MTIF3: variants seen among roughly 807,000 people sequenced by gnomAD.
MTIF3 encodes the protein translation initiation factor IF-3, mitochondrial.
Under a neutral mutation model 20.7 loss-of-function variants are expected in MTIF3, and 13 were observed. The observed-to-expected ratio is 0.63, with a 90% CI of 0.41 to 1.00. The LOEUF (loss-of-function observed/expected upper bound fraction) is 1.00, where lower values mean the gene tolerates loss of function less well. MTIF3 is among the 50% of genes least tolerant of loss of function. The probability of loss-of-function intolerance (pLI) is 0.00; values close to 1 mark genes in which losing one functional copy is unlikely to be tolerated. For missense variants in MTIF3, 295 were observed against 324.5 expected (o/e 0.91, Z 0.70); for synonymous variants, 114 against 112.5 (o/e 1.01, Z -0.08).
intron 2 of MTIF3, among the ~76,000 whole-genome samples, chr13:27,443,609 A>G (rs1294293065): frequency 6.6e-6 from 1 of 152,258 alleles, no homozygotes; most frequent in Non-Finnish European, 1.5e-5. Flanking sequence ...TAGACAAAAC[A>G]GTTCACTGCA....
At chr13:27,443,362 A>G (rs888820080) in intron 2 of MTIF3, among the ~76,000 whole-genome samples, 3 of 151,590 alleles carry the variant, frequency 2.0e-5, no homozygotes, top group Non-Finnish European at 4.4e-5. Flanking sequence ...ATCACAGAAG[A>G]TTTTTTTTTC....
intron 1 of MTIF3, among the ~76,000 whole-genome samples, chr13:27,448,067 G>A (rs932729515): frequency 3.0e-5 from 4 of 132,268 alleles, no homozygotes; most frequent in African/African-American, 8.6e-5. Flanking sequence ...GCATTCTACC[G>A]GAAGTACTGA....
chr13:27,440,642 G>A (rs1953975883), intron 2 of MTIF3, among the ~76,000 whole-genome samples, 193 bp from the exon 3 acceptor site: 1 of 152,112 alleles, frequency 6.6e-6, no homozygotes, highest in Non-Finnish European at 1.5e-5. Flanking sequence ...AGGTGACTCT[G>A]GCCAGACTAA....
chr13:27,443,950 A>T (rs1046011128), intron 2 of MTIF3, among the ~76,000 whole-genome samples: 6 of 152,180 alleles, frequency 3.9e-5, no homozygotes, highest in African/African-American at 1.4e-4. Flanking sequence ...TAGGTTTTTT[A>T]AAAAAGCTTT....
At chr13:27,438,862 T>C (rs1280141531) in intron 3 of MTIF3, among the ~76,000 whole-genome samples, 2 of 152,018 alleles carry the variant, frequency 1.3e-5, no homozygotes, top group South Asian at 2.1e-4. Context: ...TTCTGAATAT[T>C]GTTTTCCAGT....
intron 1 of MTIF3, among the ~76,000 whole-genome samples, chr13:27,446,611 G>A (rs1273733383): frequency 6.6e-6 from 1 of 152,210 alleles, no homozygotes; most frequent in Non-Finnish European, 1.5e-5. Context: ...ATTCTAGTCT[G>A]TGTAAGTTCT....
At chr13:27,445,063 A>G (rs950959240) in intron 2 of MTIF3, 25 bp downstream of exon 2, 3 of 152,354 alleles carry the variant, frequency 2.0e-5, no homozygotes, top group South Asian at 4.1e-4. Context: ...CTAATTAAAT[A>G]AAAAGAACTG....
chr13:27,438,497 T>C (rs1048028794), intron 3 of MTIF3, among the ~76,000 whole-genome samples: 1 of 146,066 alleles, frequency 6.8e-6, no homozygotes, highest in African/African-American at 2.5e-5. Context: ...TTTTTTTTTT[T>C]TTTTTTTTTT....
intron 1 of MTIF3, chr13:27,449,958 G>A (rs568096356): frequency 8.5e-5 from 13 of 152,408 alleles, no homozygotes; most frequent in African/African-American, 2.9e-4. Flanking sequence ...GTCACTTCGC[G>A]ACCTTCCCCC....
chr13:27,448,063 T>C lies in MTIF3; in HGVS notation c.-71+2446A>G, dbSNP rs1593203240. ...CTGTATAATTCATTATTTTGCATTC[T>C]ACCGGAAGTACTGATAAAATATTTG... On this transcript the variant is annotated intron_variant, in intron 1 of 4. Transcript: ENST00000381120. Among the ~76,000 whole-genome samples the C allele has an allele frequency of 2.1e-5, 3 of 140,980 alleles. No homozygotes were observed. In the South Asian group the frequency reaches 6.4e-4, roughly 30 times the overall value. 92.5% of individuals were successfully genotyped at this position (140,980 alleles called of 152,430 possible).
chr13:27,435,914 A>G, intron 4 of MTIF3, 21 bp from the exon 5 acceptor site: 1 of 1,579,264 alleles, frequency 6.3e-7, no homozygotes, highest in African/African-American at 1.3e-5. Context: ...GAAACAGCCA[A>G]AGATTAATTT....
intron 3 of MTIF3, 137 bp downstream of exon 3, chr13:27,439,852 C>T: frequency 1.4e-6 from 1 of 735,442 alleles, no homozygotes; most frequent in South Asian, 1.9e-5. Context: ...AAGACAGACA[C>T]TGGGAATGGT....
At chr13:27,440,850 ACT>A (rs1349536784) in intron 2 of MTIF3, among the ~76,000 whole-genome samples, 1 of 152,178 alleles carries the variant, frequency 6.6e-6, no homozygotes, top group Non-Finnish European at 1.5e-5. Flanking sequence ...CTCCTCAAAA[ACT>A]TACTAATAGC....
At position 27,439,979 on chromosome 13, in the gene MTIF3, A is replaced by G. The variant is rs529706046; in HGVS notation, c.460+10T>C. 5 of 1,610,992 alleles carry G rather than the reference A, an allele frequency of 3.1e-6. No homozygotes were observed. In the African/African-American group the frequency reaches 5.3e-5, roughly 17 times the overall value. ...TAAAGGATTCAGGGAGCCAACAGCAAAATACCTACCAGTTTTGGGGTTCGC... is the reference window on the plus strand; with the variant it reads ...TAAAGGATTCAGGGAGCCAACAGCAGAATACCTACCAGTTTTGGGGTTCGC... On this transcript the variant is annotated intron_variant, in intron 3 of 4. Transcript: ENST00000381120.
At chr13:27,438,707 G>A (rs1388362388) in intron 3 of MTIF3, among the ~76,000 whole-genome samples, 1 of 151,898 alleles carries the variant, frequency 6.6e-6, no homozygotes, top group Non-Finnish European at 1.5e-5. Context: ...TATTGCCCAG[G>A]CTGGTATTGA....
intron 2 of MTIF3, among the ~76,000 whole-genome samples, chr13:27,443,788 G>A (rs962069089): frequency 6.6e-6 from 1 of 151,824 alleles, no homozygotes; most frequent in Admixed American, 6.6e-5. Flanking sequence ...AGGAAAAGAT[G>A]AAAAAAATTT....
intron 2 of MTIF3, among the ~76,000 whole-genome samples, chr13:27,444,689 C>G (rs943425658): frequency 2.0e-5 from 3 of 152,168 alleles, no homozygotes; most frequent in Admixed American, 1.3e-4. Context: ...CTATCTCCCC[C>G]CAACCATCCA....
chr13:27,447,637 G>A (rs1954224448), intron 1 of MTIF3, among the ~76,000 whole-genome samples: 1 of 152,006 alleles, frequency 6.6e-6, no homozygotes, highest in Admixed American at 6.6e-5. Context: ...AACTCCTATC[G>A]ACAGAACATC....
chr13:27,440,462 T>A lies in MTIF3; in HGVS notation c.-1-13A>T. 1 of 1,558,700 alleles carries A rather than the reference T, an allele frequency of 6.4e-7. No individual in the cohort carries two copies. The highest frequency in any genetic ancestry group is 8.7e-7 in the Non-Finnish European group (1 of 1,147,916). On this transcript the variant is annotated splice_polypyrimidine_tract_variant and intron_variant, in intron 2 of 4. Transcript: ENST00000381120. The stretch of plus-strand genomic sequence containing the variant: ...AAGAGCAGCCATCCTAAGAAAGTAG[T>A]AAGAAGAGTTCATTAAAATTCAATC...
Sources: gnomAD v4.1 joint callset for allele counts (sites outside exome capture counted in the v4.1 genomes callset) on GRCh38, gnomAD v4.1.1 for gene constraint, MANE v1.5 for transcripts, NCBI Gene and HGNC (gene_info 2026-07-23, HGNC 2026-07-21) for gene names.